The following ODC1 variants were observed in gnomAD, a reference collection of about 807,000 sequenced individuals.
ODC1 encodes ornithine decarboxylase.
Under a neutral mutation model 41.5 loss-of-function variants are expected in ODC1, and 18 were observed. The observed-to-expected ratio is 0.43, with a 90% CI of 0.30 to 0.64. ODC1 has a LOEUF of 0.64. Ranked by LOEUF, ODC1 falls within the 30% of genes least tolerant of loss-of-function variation. The probability of loss-of-function intolerance (pLI) is 0.11; values close to 1 mark genes in which losing one functional copy is unlikely to be tolerated. For synonymous variants in ODC1, 218 were observed against 211.6 expected, an observed-to-expected ratio of 1.03 and a Z score of -0.26; for missense variants, 504 against 589.0, an observed-to-expected ratio of 0.86 and a Z score of 1.49.
intron 8 of ODC1, 54 bp from the exon 9 acceptor site, chr2:10,442,228 T>TG (rs1671851436): frequency 6.5e-7 from 1 of 1,536,022 alleles, no homozygotes; most frequent in Non-Finnish European, 8.8e-7. Flanking sequence ...GAAATTCACA[T>TG]GGGGGAGTAA....
chr2:10,443,378 G>T, intron 7 of ODC1, 65 bp from the exon 8 acceptor site: 1 of 1,559,766 alleles, frequency 6.4e-7, no homozygotes, highest in Non-Finnish European at 8.8e-7. Context: ...CAGCAGATAG[G>T]CTGAAACCCA....
intron 11 of ODC1, 56 bp from the exon 12 acceptor site, chr2:10,440,924 A>G: frequency 6.3e-7 from 1 of 1,588,382 alleles, no homozygotes; most frequent in Non-Finnish European, 8.6e-7. Flanking sequence ...ACTGGGCATG[A>G]GAGTATTTAC....
rs1671931955 is a variant in ODC1, at chr2:10,444,079, T to TG, written c.449+15dup. 1.9e-6 allele frequency: 3 copies of TG among 1,568,260 alleles called. No individual in the cohort carries two copies. The highest frequency in any genetic ancestry group is 1.7e-6 in the Non-Finnish European group (2 of 1,158,434). ...TTATGCTCCCGATCTTGCCCTCAGA[T>TG]GGGGGAATAACTCACTTTGCTTTGG... On this transcript the variant is annotated intron_variant, in intron 5 of 11. Coordinates refer to ENST00000234111, the MANE Select transcript of ODC1 (RefSeq NM_002539.3).
chr2:10,443,792 C>T lies in ODC1; in HGVS notation c.494G>A (p.Arg165His), dbSNP rs113241465. The change falls in exon 6 of 12, where the codon CGT (arginine) becomes CAT (histidine). Residue 165 changes from arginine to histidine, a missense_variant. This residue lies in a region of ODC1 where 447 missense variants were observed against 524.4 expected (regional missense o/e 0.85). Transcript: ENST00000234111. Reference protein sequence around the residue: ...IATDDSKAVCRLSVKFGATLR... With the variant: ...IATDDSKAVCHLSVKFGATLR... ...CGTGGCACCGAATTTCACACTGAGA[C>T]GACAGACTGCTTTGGAATCATCAGT... 1.5e-5 allele frequency: 24 copies of T among 1,614,140 alleles called. No individual in the cohort carries two copies. The highest frequency in any genetic ancestry group is 1.6e-4 in the Middle Eastern group (1 of 6,062).
Position 10,444,854 on chromosome 2 carries a change from T to C in ODC1, c.102+77A>G, listed in dbSNP as rs1671955747. 39 of 1,056,654 alleles carry C rather than the reference T, an allele frequency of 3.7e-5. 1 individual carries two copies. The South Asian group carries it at 5.3e-4, about 14-fold the overall frequency. The allele number at this position is 1,056,654 out of a possible 1,614,324, so 65.5% of individuals were successfully genotyped here. A position where few individuals can be genotyped will look rare whatever the true frequency, so the allele number is the denominator to read the frequency against. On this transcript the variant is annotated intron_variant, in intron 3 of 11. Coordinates refer to ENST00000234111, the MANE Select transcript of ODC1 (RefSeq NM_002539.3). Reference sequence around the variant, plus strand: ...ACAAGACATGTAAGCCTCATTGCTCTTCCTTAGACCTTGCCAAAGTTTTCC... The same window carrying C: ...ACAAGACATGTAAGCCTCATTGCTCCTCCTTAGACCTTGCCAAAGTTTTCC...
chr2:10,442,323 TCAA>T, intron 8 of ODC1, 149 bp from the exon 9 acceptor site: 1 of 784,394 alleles, frequency 1.3e-6, no homozygotes. Context: ...CAAAAAAACA[TCAA>T]CATCTCCCTG....
intron 1 of ODC1, among the ~76,000 whole-genome samples, chr2:10,446,090 T>C (rs975849531): frequency 2.6e-5 from 4 of 152,108 alleles, no homozygotes; most frequent in Admixed American, 1.3e-4. Flanking sequence ...AGTCAACTTA[T>C]CACATTGTAT....
chr2:10,444,914 G>A lies in ODC1; in HGVS notation c.102+17C>T. On this transcript the variant is annotated intron_variant, in intron 3 of 11. Transcript: ENST00000234111. Reference sequence around the variant, plus strand: ...GCACTCTCAGCTGCACTGCCAGCATGGGCCTCATATACTTACAGAAGAAGA... The same window carrying A: ...GCACTCTCAGCTGCACTGCCAGCATAGGCCTCATATACTTACAGAAGAAGA... 6.4e-7 allele frequency: 1 copy of A among 1,560,962 alleles called. No individual in the cohort carries two copies. Among genetic ancestry groups the A allele is most frequent in the Non-Finnish European group, 8.8e-7 (1 of 1,132,158 alleles).
In ODC1 at chr2:10,445,005, C is replaced by G. The variant is rs1251102268; in HGVS notation, c.28G>C (p.Asp10His). 6.2e-7 allele frequency: 1 copy of G among 1,613,252 alleles called. No individual in the cohort carries two copies. Among genetic ancestry groups the G allele is most frequent in the Non-Finnish European group, 8.5e-7 (1 of 1,179,360 alleles). ...AAACCTTCATCGAGGAAGTGGCAGT[C>G]AAACTCTTCATTACCAAAGTTGTTC... MNNFGNEEF[D>H]CHFLDEGFTA... The change falls in exon 3 of 12, where the codon GAC becomes CAC. Residue 10 changes from aspartate (D) to histidine (H), a missense_variant. Transcript: ENST00000234111.
rs1270944586 is a variant in ODC1, at chr2:10,440,759, T to C, written c.1351A>G (p.Arg451Gly). 1.2e-6 allele frequency: 2 copies of C among 1,614,168 alleles called. No individual in the cohort carries two copies. The highest frequency in any genetic ancestry group is 2.2e-5 in the East Asian group (1 of 44,894). The part of the protein sequence containing the change: ...CAWESGMKRH[R>G]AACASASINV ...ATACTAGCCGAAGCACAGGCTGCTCTGTGGCGTTTCATCCCACTCTCCCAG... is the reference window on the plus strand; with the variant it reads ...ATACTAGCCGAAGCACAGGCTGCTCCGTGGCGTTTCATCCCACTCTCCCAG... The change falls in exon 12 of 12, where the codon AGA becomes GGA. Residue 451 changes from arginine (R) to glycine (G), a missense_variant. By Grantham distance (125) the Arg-to-Gly change is moderately radical. This residue lies in a region of ODC1 where 447 missense variants were observed against 524.4 expected (regional missense o/e 0.85). Coordinates refer to ENST00000234111, the MANE Select transcript of ODC1 (RefSeq NM_002539.3).
intron 8 of ODC1, 99 bp downstream of exon 8, chr2:10,443,131 G>T: frequency 1.1e-6 from 1 of 875,658 alleles, no homozygotes; most frequent in Non-Finnish European, 1.9e-6. Flanking sequence ...AGACACTTCA[G>T]CCCATTGTGG....
In ODC1 at chr2:10,448,062, G is replaced by A. The variant is rs932424965; in HGVS notation, c.-128+59C>T. Reference sequence around the variant, plus strand: ...ACGTGCCCGGGGCCCGGGGCCCGCAGCCCGCCCCGGCTCCCGCCCTCGCTC... The same window carrying A: ...ACGTGCCCGGGGCCCGGGGCCCGCAACCCGCCCCGGCTCCCGCCCTCGCTC... On this transcript the variant is annotated intron_variant, in intron 1 of 11. Coordinates refer to ENST00000234111, the MANE Select transcript of ODC1 (RefSeq NM_002539.3). 4.3e-3 allele frequency: 688 copies of A among 158,522 alleles called. 13 individuals carry two copies. The highest frequency in any genetic ancestry group is 0.018 in the East Asian group (95 of 5,376). The allele number at this position is 158,522 out of a possible 1,614,324, so 9.8% of individuals were successfully genotyped here.
intron 11 of ODC1, among the ~76,000 whole-genome samples, 170 bp downstream of exon 11, chr2:10,441,339 C>T (rs1010324721): frequency 6.6e-6 from 1 of 152,264 alleles, no homozygotes; most frequent in Non-Finnish European, 1.5e-5. Context: ...TAAATATATT[C>T]CAATTACATA....
intron 8 of ODC1, among the ~76,000 whole-genome samples, chr2:10,442,766 A>G (rs1472549731): frequency 6.6e-6 from 1 of 151,926 alleles, no homozygotes; most frequent in Non-Finnish European, 1.5e-5. Flanking sequence ...GGCTGAGTGC[A>G]GTGGCATGAT....
Position 10,444,279 on chromosome 2 carries a change from G to C in ODC1, c.277-12C>G, listed in dbSNP as rs1481824576. 3 of 1,565,776 alleles carry C rather than the reference G, an allele frequency of 1.9e-6. No individual in the cohort carries two copies. The highest frequency in any genetic ancestry group is 2.0e-5 in the Admixed American group (1 of 50,036). On this transcript the variant is annotated splice_polypyrimidine_tract_variant and intron_variant, in intron 4 of 11. Transcript: ENST00000234111. Reference sequence around the variant, plus strand: ...AACTGTATTTCAGTCTGAAAAAGAAGAGTGGTGTCATGCTATCCATATGTG... The same window carrying C: ...AACTGTATTTCAGTCTGAAAAAGAACAGTGGTGTCATGCTATCCATATGTG...
chr2:10,447,534 G>A (rs1214746643), intron 1 of ODC1: 1 of 152,188 alleles, frequency 6.6e-6, no homozygotes, highest in African/African-American at 2.4e-5. Context: ...CGAAATCACC[G>A]AGTCATTCAC....
chr2:10,444,978 T>G lies in ODC1; in HGVS notation c.55A>C (p.Thr19Pro). ...TTCTGGTCCAGAATGTCCTTGGCAG[T>G]AAAACCTTCATCGAGGAAGTGGCAG... ...FDCHFLDEGF[T>P]AKDILDQKIN... The change falls in exon 3 of 12, where the codon ACT becomes CCT. Residue 19 changes from threonine (T) to proline (P), a missense_variant. Physicochemically the swap from Thr to Pro is conservative, Grantham distance 38 (BLOSUM62 -1). This residue lies in a region of ODC1 where 53 missense variants were observed against 46.3 expected (regional missense o/e 1.14). Coordinates refer to ENST00000234111, the MANE Select transcript of ODC1 (RefSeq NM_002539.3). The G allele has an allele frequency of 1.2e-6, 2 of 1,613,992 alleles. No homozygotes were observed. Among genetic ancestry groups the G allele is most frequent in the Non-Finnish European group, 1.7e-6 (2 of 1,179,862 alleles).
rs1671948644 is a variant in ODC1 at position 10,444,589 on chromosome 2, C to T, written c.161G>A (p.Arg54Lys). 1 of 1,614,052 alleles carries T rather than the reference C, an allele frequency of 6.2e-7. No homozygotes were observed. The highest frequency in any genetic ancestry group is 8.5e-7 in the Non-Finnish European group (1 of 1,179,992). Residue 54 changes from arginine (R) to lysine (K), a missense_variant, in exon 4 of 12, where the codon AGG (arginine) becomes AAG (lysine). By Grantham distance (26) the Arg-to-Lys change is conservative (BLOSUM62 2). Coordinates refer to ENST00000234111, the MANE Select transcript of ODC1 (RefSeq NM_002539.3). ...DLGDILKKHL[R>K]WLKALPRVTP... ...GACACGAGGGAGAGCTTTTAACCAC[C>T]TCAGATGTTTCTTTAGAATGTCTCC...
At chr2:10,446,534 A>G (rs12616336) in intron 1 of ODC1, among the ~76,000 whole-genome samples, 10,169 of 152,322 alleles carry the variant, frequency 0.067, 429 homozygotes, top group Non-Finnish European at 0.091. Flanking sequence ...TTGCTTAGCT[A>G]TGAGAATAAT....
Sources: gnomAD v4.1 joint callset for allele counts (sites outside exome capture counted in the v4.1 genomes callset) on GRCh38, gnomAD v4.1.1 for gene constraint, gnomAD v4.1.1 regional missense constraint, MANE v1.5 for transcripts, NCBI Gene and HGNC (gene_info 2026-07-23, HGNC 2026-07-21) for gene names.